ASB3: variants seen among roughly 807,000 people sequenced by gnomAD.
ASB3 encodes the protein ankyrin repeat and SOCS box containing 3.
ASB3 carries 41 observed loss-of-function variants against 54.5 expected under a neutral mutation model. The ratio of observed to expected loss-of-function variants is 0.75; its 90% CI spans 0.59 to 0.98. The LOEUF (loss-of-function observed/expected upper bound fraction) is 0.98, where lower values mean the gene tolerates loss of function less well. Ranked by LOEUF, ASB3 falls within the 50% of genes least tolerant of loss-of-function variation. The pLI, the probability that ASB3 is intolerant of heterozygous loss-of-function variation, is 0.00. For missense variants in ASB3, 733 were observed against 620.0 expected, an observed-to-expected ratio of 1.18 and a Z score of -1.94; for synonymous variants, 266 against 221.2, an observed-to-expected ratio of 1.20 and a Z score of -1.80.
chr2:53,671,695 G>GAGCAATTAAT (rs1553367660), intron 9 of ASB3, among the ~76,000 whole-genome samples: 9 of 145,872 alleles, frequency 6.2e-5, no homozygotes, highest in Non-Finnish European at 9.0e-5. Context: ...GGAGGCGGAG[G>GAGCAATTAAT]TTGCAGTGAG....
chr2:53,670,149 G>A lies in ASB3; in HGVS notation c.*354C>T, dbSNP rs780451827. On this transcript the variant is annotated 3_prime_UTR_variant, in exon 10 of 10. Coordinates refer to ENST00000263634, the MANE Select transcript of ASB3 (RefSeq NM_016115.5). ...AAACACGAATCATAGGTGGAAATAT[G>A]CCATGTTTAGCACTAGAAGTAACAT... is the stretch of plus-strand genomic sequence containing the variant. 7 of 182,566 alleles carry A rather than the reference G, an allele frequency of 3.8e-5. No homozygotes were observed. The highest frequency in any genetic ancestry group is 1.3e-4 in the South Asian group (1 of 7,700). 11.3% of individuals were successfully genotyped at this position (182,566 alleles called of 1,614,324 possible).
chr2:53,702,348 C>T (rs1025693973), intron 7 of ASB3, among the ~76,000 whole-genome samples: 3 of 152,174 alleles, frequency 2.0e-5, no homozygotes, highest in Admixed American at 1.3e-4. Context: ...TACATGTGCA[C>T]ACTACAGAAA....
At chr2:53,711,706 G>A (rs1308092897) in intron 7 of ASB3, among the ~76,000 whole-genome samples, 2 of 152,070 alleles carry the variant, frequency 1.3e-5, no homozygotes, top group Admixed American at 1.3e-4. Context: ...CTCGGGAGAT[G>A]GAGGTTGCAG....
intron 4 of ASB3, among the ~76,000 whole-genome samples, 187 bp downstream of exon 4, chr2:53,729,271 G>C (rs1311542654): frequency 6.6e-6 from 1 of 152,094 alleles, no homozygotes; most frequent in Admixed American, 6.6e-5. Flanking sequence ...ATAGCCCAAA[G>C]CTTCCACAGC....
chr2:53,780,442 A>C (rs1472119342), intron 1 of ASB3, among the ~76,000 whole-genome samples: 1 of 152,162 alleles, frequency 6.6e-6, no homozygotes, highest in Non-Finnish European at 1.5e-5. Flanking sequence ...GAAACACACA[A>C]GCAAACAAAT....
chr2:53,714,430 G>A lies in ASB3; in HGVS notation c.934C>T (p.Leu312Phe). The change falls in exon 7 of 10, where the codon CTT (leucine) becomes TTT (phenylalanine). Residue 312 changes from leucine to phenylalanine, a missense_variant. Transcript: ENST00000263634. ...NGYSPDAQAC[L>F]VFGFSSPVCM... is the part of the protein sequence containing the mutation. Reference sequence around the variant, plus strand: ...ACAGGAGAACTGAATCCAAAAACAAGGCACGCCTGGGCGTCTGGGCTGTAG... The same window carrying A: ...ACAGGAGAACTGAATCCAAAAACAAAGCACGCCTGGGCGTCTGGGCTGTAG... The A allele has an allele frequency of 1.2e-6, 2 of 1,614,174 alleles. No individual in the cohort carries two copies. The highest frequency in any genetic ancestry group is 1.7e-6 in the Non-Finnish European group (2 of 1,180,016).
At chr2:53,757,549 C>T (rs1185727204) in intron 2 of ASB3, among the ~76,000 whole-genome samples, 1 of 152,242 alleles carries the variant, frequency 6.6e-6, no homozygotes, top group East Asian at 1.9e-4. Flanking sequence ...CTCCTTACTT[C>T]TGAATCTACT....
intron 5 of ASB3, among the ~76,000 whole-genome samples, chr2:53,726,257 ATT>A (rs35225840): frequency 3.7e-4 from 50 of 135,418 alleles, no homozygotes; most frequent in Non-Finnish European, 3.8e-4. Context: ...TTTAATCTAA[ATT>A]TTTTTTTTTT....
intron 1 of ASB3, among the ~76,000 whole-genome samples, chr2:53,785,886 T>C (rs1185721403): frequency 1.3e-5 from 2 of 152,226 alleles, no homozygotes; most frequent in Non-Finnish European, 2.9e-5. Context: ...TGGATCACAT[T>C]AAGCATTAAT....
intron 8 of ASB3, among the ~76,000 whole-genome samples, chr2:53,695,752 C>A (rs1483875611): frequency 1.3e-5 from 2 of 152,064 alleles, no homozygotes; most frequent in African/African-American, 4.8e-5. Flanking sequence ...CAACTAAATG[C>A]ACAAATGACA....
At chr2:53,732,987 G>A (rs1671404116) in intron 3 of ASB3, among the ~76,000 whole-genome samples, 1 of 152,150 alleles carries the variant, frequency 6.6e-6, no homozygotes, top group Admixed American at 6.5e-5. Context: ...ACTTTATACA[G>A]ACATACTTTC....
chr2:53,707,990 G>GAAAAGAAAAGA (rs1175717607), intron 7 of ASB3, among the ~76,000 whole-genome samples: 1 of 149,738 alleles, frequency 6.7e-6, no homozygotes, highest in Non-Finnish European at 1.5e-5. Context: ...AAGAAAGAAA[G>GAAAAGAAAAGA]AAAAGAAAAG....
intron 7 of ASB3, among the ~76,000 whole-genome samples, chr2:53,702,548 T>TTAAG (rs1199345997): frequency 6.6e-6 from 1 of 152,192 alleles, no homozygotes; most frequent in African/African-American, 2.4e-5. Context: ...TACCCGAGAT[T>TTAAG]TAAACAAAAG....
intron 1 of ASB3, among the ~76,000 whole-genome samples, chr2:53,773,843 T>C (rs1436594223): frequency 1.3e-5 from 2 of 151,564 alleles, no homozygotes; most frequent in Non-Finnish European, 1.5e-5. Context: ...GAGACCAGCC[T>C]GGCCAACGTG....
intron 7 of ASB3, among the ~76,000 whole-genome samples, chr2:53,704,061 C>T (rs1669634731): frequency 6.6e-6 from 1 of 152,086 alleles, no homozygotes; most frequent in South Asian, 2.1e-4. Context: ...TCGTGTATCA[C>T]TCATTAAGAA....
intron 1 of ASB3, 66 bp from the exon 2 acceptor site, chr2:53,765,651 C>A (rs1334601191): frequency 1.1e-5 from 17 of 1,584,776 alleles, no homozygotes; most frequent in Non-Finnish European, 1.4e-5. Context: ...TAGAGGTCAG[C>A]AAATCACGGT....
intron 1 of ASB3, among the ~76,000 whole-genome samples, chr2:53,780,787 T>C (rs1674601684): frequency 6.6e-6 from 1 of 151,988 alleles, no homozygotes; most frequent in Non-Finnish European, 1.5e-5. Context: ...CTAAAACTAA[T>C]AACAAATAAA....
chr2:53,762,177 G>A (rs1673182444), intron 2 of ASB3, among the ~76,000 whole-genome samples: 1 of 149,024 alleles, frequency 6.7e-6, no homozygotes, highest in African/African-American at 2.6e-5. Flanking sequence ...CTAACTGTGT[G>A]TGTGTGTGTG....
At chr2:53,780,811 G>C (rs1674603859) in intron 1 of ASB3, among the ~76,000 whole-genome samples, 1 of 152,094 alleles carries the variant, frequency 6.6e-6, no homozygotes, top group Non-Finnish European at 1.5e-5. Flanking sequence ...AATACAACCA[G>C]AATACAGAAA....
Sources: gnomAD v4.1 joint callset for allele counts (sites outside exome capture counted in the v4.1 genomes callset) on GRCh38, gnomAD v4.1.1 for gene constraint, MANE v1.5 for transcripts, NCBI Gene and HGNC (gene_info 2026-07-23, HGNC 2026-07-21) for gene names.